Variants in TTPA observed in about 807,000 individuals in gnomAD.
The protein encoded by TTPA is alpha-tocopherol transfer protein.
In TTPA, 23 loss-of-function variants were observed where a neutral mutation model predicts 25.9. The observed-to-expected ratio is 0.89, with a 90% confidence interval of 0.64 to 1.26. The LOEUF is 1.26. TTPA is among the 50% of genes most tolerant of loss of function. TTPA has a pLI of 0.00. For synonymous variants in TTPA, 148 were observed against 137.3 expected (o/e 1.08, Z -0.54); for missense variants, 337 against 353.1 (o/e 0.95, Z 0.37).
chr8:63,071,226 A>G (rs1428871199), intron 2 of TTPA, among the ~76,000 whole-genome samples: 1 of 152,166 alleles, frequency 6.6e-6, no homozygotes, highest in African/African-American at 2.4e-5. Context: ...CACTTAAGCT[A>G]GGGCAAAAAA....
chr8:63,059,234 G>GTTTTAGCCC (rs1563677353), downstream of TTPA, among the ~76,000 whole-genome samples: 1 of 150,300 alleles, frequency 6.7e-6, no homozygotes, highest in East Asian at 2.0e-4. Flanking sequence ...GGGTTTCACC[G>GTTTTAGCCC]TTTTAGCCGG....
rs898592464 is a variant in TTPA, at chr8:63,059,914, A to C, written c.*1338T>G. The C allele has an allele frequency of 3.9e-5, 6 of 151,922 alleles. No individual in the cohort carries two copies. Among genetic ancestry groups the C allele is most frequent in the African/African-American group, 1.5e-4 (6 of 41,332 alleles). The allele number at this position is 151,922 out of a possible 1,614,324, so 9.4% of individuals were successfully genotyped here. On this transcript the variant is annotated 3_prime_UTR_variant, in exon 5 of 5. Coordinates refer to ENST00000260116, the MANE Select transcript of TTPA (RefSeq NM_000370.3). ...CCTGTATTGCCCAGGCTGGTCTAGA[A>C]CTCCTGCGCTCAAGCAATCATCCAT...
chr8:63,064,217 T>G lies in TTPA; in HGVS notation c.652A>C (p.Ile218Leu), dbSNP rs775796112. ...TATATTTTACTCACCCGTTCCTTAA[T>G]TTTTTCAGTCAGGAATGGTTTGATC... ...SMIKPFLTEKIKERIHMHGNN... is the reference protein window; with the variant it reads ...SMIKPFLTEKLKERIHMHGNN... The change falls in exon 4 of 5, where the codon ATT (isoleucine) becomes CTT (leucine). Residue 218 changes from isoleucine (I) to leucine (L), a missense_variant. Ile to Leu is a conservative substitution (Grantham distance 5). Coordinates refer to ENST00000260116, the MANE Select transcript of TTPA (RefSeq NM_000370.3). The G allele has an allele frequency of 6.2e-7, 1 of 1,611,890 alleles. No homozygotes were observed. The highest frequency in any genetic ancestry group is 1.7e-5 in the Admixed American group (1 of 59,888).
intron 1 of TTPA, among the ~76,000 whole-genome samples, chr8:63,073,672 C>T (rs1805516693): frequency 6.6e-6 from 1 of 152,222 alleles, no homozygotes; most frequent in Non-Finnish European, 1.5e-5. Context: ...CCACTGAGCC[C>T]TGCCCAAACT....
intron 2 of TTPA, among the ~76,000 whole-genome samples, chr8:63,068,073 A>T (rs1432565506): frequency 1.3e-5 from 2 of 152,178 alleles, no homozygotes; most frequent in Non-Finnish European, 2.9e-5. Context: ...TGAGACATCC[A>T]ACTGGGTGCA....
intron 2 of TTPA, 24 bp downstream of exon 2, chr8:63,072,911 A>G: frequency 6.2e-7 from 1 of 1,613,960 alleles, no homozygotes. Flanking sequence ...GAGGAGAAAA[A>G]AAAAAGAGTT....
chr8:63,059,276 C>T (rs544287656), downstream of TTPA, among the ~76,000 whole-genome samples: 13 of 151,548 alleles, frequency 8.6e-5, no homozygotes, highest in South Asian at 2.5e-3. Flanking sequence ...TCGTGATCCG[C>T]CCGCCTCGGC....
At position 63,060,959 on chromosome 8, in the gene TTPA, A is replaced by C; in HGVS notation, c.*293T>G. The C allele has an allele frequency of 3.4e-6, 1 of 294,226 alleles. No homozygotes were observed. 18.2% of individuals were successfully genotyped at this position (294,226 alleles called of 1,614,324 possible). ...TTTCTAGAAACATACAAAGATGCAC[A>C]TGAGCAGCTACTTTAGCAATAACTT... On this transcript the variant is annotated 3_prime_UTR_variant, in exon 5 of 5. Transcript: ENST00000260116.
At chr8:63,082,429 G>A (rs1177253383) in intron 1 of TTPA, among the ~76,000 whole-genome samples, 2 of 152,142 alleles carry the variant, frequency 1.3e-5, no homozygotes, top group Non-Finnish European at 2.9e-5. Context: ...TGGGAAAACT[G>A]GCTAGCCATA....
In TTPA at chr8:63,065,919, A is replaced by C. The variant is rs1805381414; in HGVS notation, c.537T>G (p.Ile179Met). The C allele has an allele frequency of 1.9e-6, 3 of 1,614,102 alleles. No homozygotes were observed. The highest frequency in any genetic ancestry group is 2.5e-6 in the Non-Finnish European group (3 of 1,179,974). Reference sequence around the variant, plus strand: ...ATACATTTACCGTAAGTACAGCAGCAATCTTCTTGGCTACGGATGGAGTGA... The same window carrying C: ...ATACATTTACCGTAAGTACAGCAGCCATCTTCTTGGCTACGGATGGAGTGA... ...FQITPSVAKK[I>M]AAVLTDSFPL... The change falls in exon 3 of 5, where the codon ATT becomes ATG. Residue 179 changes from isoleucine to methionine, a missense_variant. Transcript: ENST00000260116.
Position 63,073,060 on chromosome 8 carries a change from G to T in TTPA, c.233C>A (p.Ala78Glu), listed in dbSNP as rs1805507657. 5 of 1,496,900 alleles carry T rather than the reference G, an allele frequency of 3.3e-6. No individual in the cohort carries two copies. Among genetic ancestry groups the T allele is most frequent in the Non-Finnish European group, 4.5e-6 (5 of 1,116,616 alleles). The allele number at this position is 1,496,900 out of a possible 1,614,324, so 92.7% of individuals were successfully genotyped here. ...RLLKNYYKWR[A>E]ECPEISADLH... ...ATCTGCACTTATTTCTGGACATTCT[G>T]CTCTCCACTTATAATAGTTTTTTAG... Residue 78 changes from alanine (A) to glutamate (E), a missense_variant, in exon 2 of 5, where the codon GCA (alanine) becomes GAA (glutamate). Coordinates refer to ENST00000260116, the MANE Select transcript of TTPA (RefSeq NM_000370.3).
intron 4 of TTPA, among the ~76,000 whole-genome samples, chr8:63,062,057 T>C (rs1415743201): frequency 6.6e-6 from 1 of 151,604 alleles, no homozygotes; most frequent in South Asian, 2.1e-4. Flanking sequence ...TAGCTGGGCG[T>C]GGTGGTGCAG....
chr8:63,064,337 T>G, intron 3 of TTPA, 21 bp from the exon 4 acceptor site: 1 of 1,538,368 alleles, frequency 6.5e-7, no homozygotes, highest in Non-Finnish European at 8.9e-7. Flanking sequence ...TAAAAAAATC[T>G]TAATAACAAA....
At chr8:63,065,763 T>G in intron 3 of TTPA, 141 bp downstream of exon 3, 1 of 901,242 alleles carries the variant, frequency 1.1e-6, no homozygotes, top group Non-Finnish European at 1.7e-6. Flanking sequence ...CCTCTTAGCA[T>G]TGTTGAATTC....
chr8:63,085,681 G>C, intron 1 of TTPA, 137 bp downstream of exon 1: 1 of 1,003,440 alleles, frequency 1.0e-6, no homozygotes, highest in Non-Finnish European at 1.4e-6. Flanking sequence ...CCCACGCCGG[G>C]TGGTTAGGGG....
intron 2 of TTPA, 99 bp downstream of exon 2, chr8:63,072,836 A>C: frequency 7.1e-7 from 1 of 1,417,536 alleles, no homozygotes; most frequent in Non-Finnish European, 9.8e-7. Flanking sequence ...TCTATATGGT[A>C]TTCAAGGAAG....
rs1426112336 is a variant in TTPA, at chr8:63,086,053, C to A, written c.-32G>T. ...CGCCGCTGCTGCGGCCGCAGCTACC[C>A]GGGCACCCGGGAAAAGCGCGCGCCC... On this transcript the variant is annotated 5_prime_UTR_variant, in exon 1 of 5. Transcript: ENST00000260116. 2 of 1,385,246 alleles carry A rather than the reference C, an allele frequency of 1.4e-6. No individual in the cohort carries two copies. The highest frequency in any genetic ancestry group is 3.1e-5 in the South Asian group (2 of 63,698). 85.8% of individuals were successfully genotyped at this position (1,385,246 alleles called of 1,614,324 possible). A position where few individuals can be genotyped will look rare whatever the true frequency, so the allele number is the denominator to read the frequency against.
At chr8:63,073,400 T>A (rs928234767) in intron 1 of TTPA, among the ~76,000 whole-genome samples, 1 of 152,190 alleles carries the variant, frequency 6.6e-6, no homozygotes, top group Admixed American at 6.5e-5. Flanking sequence ...TGGCATCTAT[T>A]TGCTTCACTC....
chr8:63,082,061 A>T lies in TTPA; in HGVS notation c.204+3757T>A, dbSNP rs1486744694. On this transcript the variant is annotated intron_variant, in intron 1 of 4. Coordinates refer to ENST00000260116, the MANE Select transcript of TTPA (RefSeq NM_000370.3). The stretch of plus-strand genomic sequence containing the variant: ...GAATCAATATCATGAAAATGGCCAT[A>T]CTGCCCAAGGTAATTTATAGATTCA... Among the ~76,000 whole-genome samples, 5 of 152,212 alleles carry T rather than the reference A, an allele frequency of 3.3e-5. No individual in the cohort carries two copies. The South Asian group carries it at 8.3e-4, about 25-fold the overall frequency.
Sources: gnomAD v4.1 joint callset for allele counts (sites outside exome capture counted in the v4.1 genomes callset) on GRCh38, gnomAD v4.1.1 for gene constraint, MANE v1.5 for transcripts, NCBI Gene and HGNC (gene_info 2026-07-23, HGNC 2026-07-21) for gene names.